Variants in NELL1 observed in about 807,000 individuals in gnomAD.
NELL1 encodes the protein neural EGFL like 1, also known as protein kinase C-binding protein NELL1.
NELL1 carries 76 observed loss-of-function variants against 107.4 expected under a neutral mutation model. The ratio of observed to expected loss-of-function variants is 0.71; its 90% CI spans 0.59 to 0.86. The LOEUF (loss-of-function observed/expected upper bound fraction) is 0.86, where lower values mean the gene tolerates loss of function less well. Among genes scored for constraint, NELL1 ranks in the 40% least tolerant of loss-of-function variants. The probability of loss-of-function intolerance (pLI) is 0.00; values close to 1 mark genes in which losing one functional copy is unlikely to be tolerated. For missense variants in NELL1, 1,024 were observed against 1,005.5 expected (o/e 1.02, Z -0.25); for synonymous variants, 353 against 341.2 (o/e 1.03, Z -0.38).
chr11:21,415,621 A>T (rs2133815664), intron 15 of NELL1, among the ~76,000 whole-genome samples: 1 of 152,110 alleles, frequency 6.6e-6, no homozygotes, highest in Non-Finnish European at 1.5e-5. Flanking sequence ...CTGGATAGTA[A>T]CTGTCACTGT....
At chr11:21,537,562 T>A (rs1157932428) in intron 16 of NELL1, among the ~76,000 whole-genome samples, 1 of 152,120 alleles carries the variant, frequency 6.6e-6, no homozygotes, top group African/African-American at 2.4e-5. Context: ...CCTTCCCTAC[T>A]CACTTTGTTA....
At chr11:20,768,536 A>T (rs908343644) in intron 2 of NELL1, among the ~76,000 whole-genome samples, 1 of 152,238 alleles carries the variant, frequency 6.6e-6, no homozygotes, top group African/African-American at 2.4e-5. Context: ...ATAACCTGTG[A>T]CTATATTACT....
intron 14 of NELL1, among the ~76,000 whole-genome samples, chr11:21,244,686 T>C (rs1164619006): frequency 6.6e-6 from 1 of 152,170 alleles, no homozygotes; most frequent in African/African-American, 2.4e-5. Context: ...GAATATTGTC[T>C]TCCCATGTTG....
intron 15 of NELL1, among the ~76,000 whole-genome samples, chr11:21,525,326 G>A (rs1177709968): frequency 6.6e-6 from 1 of 152,182 alleles, no homozygotes; most frequent in African/African-American, 2.4e-5. Context: ...GACTTACAAA[G>A]AAGAAACAGC....
rs562042696 is a variant in NELL1, at chr11:21,124,251, T to C, written c.1426+10537T>C. 7.2e-5 allele frequency among the ~76,000 whole-genome samples: 11 copies of C among 152,208 alleles called. 1 individual carries two copies. The South Asian group carries it at 1.7e-3, about 23-fold the overall frequency. ...AGACAAAGGTGACATTGAGTTTTTT[T>C]CCCCCCGAAGTCTCCTAAATGTTAC... On this transcript the variant is annotated intron_variant, in intron 13 of 19. Coordinates refer to ENST00000357134, the MANE Select transcript of NELL1 (RefSeq NM_006157.5).
chr11:20,673,097 G>A (rs939645985), intron 1 of NELL1, among the ~76,000 whole-genome samples: 2 of 151,426 alleles, frequency 1.3e-5, no homozygotes, highest in Non-Finnish European at 2.9e-5. Flanking sequence ...CCTGACCTCA[G>A]GTGATCTGCC....
intron 15 of NELL1, among the ~76,000 whole-genome samples, chr11:21,478,922 C>G (rs1854419554): frequency 6.6e-6 from 1 of 150,444 alleles, no homozygotes; most frequent in Non-Finnish European, 1.5e-5. Context: ...GTACAAATAG[C>G]AAACAGGCAT....
intron 12 of NELL1, among the ~76,000 whole-genome samples, chr11:21,083,881 G>T (rs1854327164): frequency 6.6e-6 from 1 of 152,122 alleles, no homozygotes; most frequent in African/African-American, 2.4e-5. Flanking sequence ...TATGTTAAAA[G>T]TGTTAATTTA....
chr11:21,090,742 G>A (rs1854502262), intron 12 of NELL1, among the ~76,000 whole-genome samples: 1 of 152,202 alleles, frequency 6.6e-6, no homozygotes, highest in South Asian at 2.1e-4. Context: ...TCTGTTAGGT[G>A]AGATTTGAAT....
intron 2 of NELL1, among the ~76,000 whole-genome samples, chr11:20,742,963 T>C (rs150330064): frequency 1.2e-4 from 19 of 152,082 alleles, no homozygotes; most frequent in Admixed American, 5.9e-4. Context: ...TCAATAGATA[T>C]ATACATCAGG....
At chr11:21,430,641 A>G (rs139639408) in intron 15 of NELL1, among the ~76,000 whole-genome samples, 175 of 152,270 alleles carry the variant, frequency 1.1e-3, no homozygotes, top group African/African-American at 4.1e-3. Flanking sequence ...GATGTAGTGC[A>G]GGGCCTCTTA....
chr11:21,087,458 A>T (rs1854422232), intron 12 of NELL1, among the ~76,000 whole-genome samples: 1 of 152,102 alleles, frequency 6.6e-6, no homozygotes, highest in Non-Finnish European at 1.5e-5. Flanking sequence ...ATGGAAAGAG[A>T]TCTTTATTCT....
intron 15 of NELL1, among the ~76,000 whole-genome samples, chr11:21,444,147 T>C (rs1853360524): frequency 6.6e-6 from 1 of 152,152 alleles, no homozygotes; most frequent in African/African-American, 2.4e-5. Context: ...GTTTTAACAT[T>C]TTTCACTTAA....
chr11:21,284,347 G>C (rs1437396288), intron 14 of NELL1: 3 of 457,104 alleles, frequency 6.6e-6, no homozygotes, highest in Non-Finnish European at 1.3e-5. Context: ...GAGTGACAGA[G>C]AGCCTAAAGA....
chr11:21,523,065 G>T (rs185952950), intron 15 of NELL1, among the ~76,000 whole-genome samples: 1,557 of 151,570 alleles, frequency 0.01, 33 homozygotes, highest in East Asian at 0.071. Flanking sequence ...GCCAGGATGG[G>T]CTTGATCTCC....
intron 14 of NELL1, among the ~76,000 whole-genome samples, chr11:21,337,219 A>C (rs146788636): frequency 4.4e-4 from 67 of 152,242 alleles, no homozygotes; most frequent in African/African-American, 1.5e-3. Flanking sequence ...ATAATTTACT[A>C]TCATAATAAA....
At chr11:21,140,432 C>T (rs1384373324) in intron 13 of NELL1, among the ~76,000 whole-genome samples, 1 of 152,108 alleles carries the variant, frequency 6.6e-6, no homozygotes, top group Non-Finnish European at 1.5e-5. Flanking sequence ...TGTATTGGAA[C>T]TGTTAGATGC....
At chr11:20,737,298 T>C (rs1381349681) in intron 2 of NELL1, among the ~76,000 whole-genome samples, 1 of 152,102 alleles carries the variant, frequency 6.6e-6, no homozygotes, top group Non-Finnish European at 1.5e-5. Context: ...CAGGGGTACA[T>C]CAAGGTGGCT....
chr11:21,047,670 G>A (rs1222287391), intron 12 of NELL1, among the ~76,000 whole-genome samples: 1 of 152,246 alleles, frequency 6.6e-6, no homozygotes, highest in South Asian at 2.1e-4. Flanking sequence ...TCGTGTTATT[G>A]TATTAGGTTT....
Sources: allele counts gnomAD v4.1 joint callset (sites outside exome capture counted in the v4.1 genomes callset), GRCh38; gene constraint gnomAD v4.1.1; transcripts MANE v1.5; gene names NCBI Gene and HGNC (gene_info 2026-07-23, HGNC 2026-07-21).